GALNT12: variants seen among roughly 807,000 people sequenced by gnomAD.
The protein encoded by GALNT12 is polypeptide N-acetylgalactosaminyltransferase 12, also known as UDP-GalNAc:polypeptide N-acetylgalactosaminyltransferase 12.
GALNT12 carries 45 observed loss-of-function variants against 55.5 expected under a neutral mutation model. The observed-to-expected ratio is 0.81, with a 90% CI of 0.64 to 1.04. The LOEUF (loss-of-function observed/expected upper bound fraction) is 1.04. Among genes scored for constraint, GALNT12 ranks in the 50% least tolerant of loss-of-function variants. The pLI is 0.00. For synonymous variants in GALNT12, 304 were observed against 312.2 expected (o/e 0.97, Z 0.28); for missense variants, 709 against 754.8 (o/e 0.94, Z 0.71).
Position 98,837,120 on chromosome 9 carries a change from A to G in GALNT12, c.1184A>G (p.Tyr395Cys). ...EVWMDEFKEL[Y>C]YHRNPRARLE... ...TGGATGGATGAATTTAAAGAGCTCT[A>G]CTACCATCGCAACCCCCGTGCCCGC... Residue 395 changes from tyrosine to cysteine, a missense_variant, in exon 6 of 10, where the codon TAC becomes TGC. Physicochemically the swap from Tyr to Cys is radical, Grantham distance 194 (BLOSUM62 -2). Transcript: ENST00000375011. 1 of 1,614,152 alleles carries G rather than the reference A, an allele frequency of 6.2e-7. No homozygotes were observed. Among genetic ancestry groups the G allele is most frequent in the Non-Finnish European group, 8.5e-7 (1 of 1,180,042 alleles).
intron 4 of GALNT12, among the ~76,000 whole-genome samples, chr9:98,834,508 G>A (rs1836084844): frequency 6.6e-6 from 1 of 152,246 alleles, no homozygotes; most frequent in African/African-American, 2.4e-5. Context: ...GCTGGAAGCC[G>A]TGGGCCGTTT....
chr9:98,846,819 T>G (rs1395005347), intron 9 of GALNT12, among the ~76,000 whole-genome samples: 2 of 135,666 alleles, frequency 1.5e-5, no homozygotes. Flanking sequence ...ATCATGCCAC[T>G]GCACTGTAGC....
chr9:98,815,374 C>T (rs992691147), intron 1 of GALNT12, among the ~76,000 whole-genome samples: 1 of 152,154 alleles, frequency 6.6e-6, no homozygotes, highest in Non-Finnish European at 1.5e-5. Context: ...GTTCTGAGCA[C>T]ATTTAAGATA....
At chr9:98,818,011 AT>A (rs1030801592) in intron 1 of GALNT12, among the ~76,000 whole-genome samples, 1 of 152,086 alleles carries the variant, frequency 6.6e-6, no homozygotes, top group African/African-American at 2.4e-5. Flanking sequence ...TCCACCCATT[AT>A]TGTTTTGGCC....
intron 3 of GALNT12, among the ~76,000 whole-genome samples, chr9:98,831,560 A>C (rs1835992373): frequency 6.6e-6 from 1 of 152,138 alleles, no homozygotes; most frequent in Non-Finnish European, 1.5e-5. Flanking sequence ...TTTTGTTTTA[A>C]AGCCCTCCGT....
intron 7 of GALNT12, among the ~76,000 whole-genome samples, chr9:98,841,807 A>T (rs1329956840): frequency 6.6e-6 from 1 of 151,640 alleles, no homozygotes; most frequent in Non-Finnish European, 1.5e-5. Flanking sequence ...AGTAGCTGGG[A>T]TTATAGGCAC....
chr9:98,814,645 G>C (rs927026723), intron 1 of GALNT12, among the ~76,000 whole-genome samples: 1 of 151,768 alleles, frequency 6.6e-6, no homozygotes, highest in Admixed American at 6.6e-5. Context: ...GGGAGGCAGA[G>C]GTGGCAGTGA....
intron 4 of GALNT12, 132 bp from the exon 5 acceptor site, chr9:98,835,117 A>C: frequency 1.3e-6 from 1 of 767,982 alleles, no homozygotes; most frequent in Admixed American, 1.8e-5. Flanking sequence ...AGTGTGGGGC[A>C]CAGAGGTGAA....
In GALNT12 at chr9:98,843,016, A is replaced by G. The variant is rs1368721577; in HGVS notation, c.1345-1080A>G. 2.0e-5 allele frequency among the ~76,000 whole-genome samples: 3 copies of G among 152,228 alleles called. No individual in the cohort carries two copies. The East Asian group carries it at 5.8e-4, about 29-fold the overall frequency. ...CAAGTGTCCAGTAGCCACAGTGGCC[A>G]GTGGCCGCCACATGAAATAGCACAG... is the stretch of plus-strand genomic sequence containing the variant. On this transcript the variant is annotated intron_variant, in intron 7 of 9. Transcript: ENST00000375011.
intron 4 of GALNT12, among the ~76,000 whole-genome samples, chr9:98,833,247 C>T (rs1836045800): frequency 1.3e-5 from 2 of 152,164 alleles, no homozygotes; most frequent in Admixed American, 6.5e-5. Context: ...AGGACTTCAG[C>T]CTCACCGCTG....
chr9:98,839,175 C>T (rs1836226505), intron 6 of GALNT12, among the ~76,000 whole-genome samples: 1 of 152,256 alleles, frequency 6.6e-6, no homozygotes, highest in Non-Finnish European at 1.5e-5. Flanking sequence ...CCTTAGGCTT[C>T]ATGTCCAAGG....
In GALNT12 at chr9:98,840,146, G is replaced by C; in HGVS notation, c.1344+13G>C. The C allele has an allele frequency of 1.2e-6, 2 of 1,612,820 alleles. No homozygotes were observed. The highest frequency in any genetic ancestry group is 1.7e-6 in the Non-Finnish European group (2 of 1,179,852). On this transcript the variant is annotated intron_variant, in intron 7 of 9. Coordinates refer to ENST00000375011, the MANE Select transcript of GALNT12 (RefSeq NM_024642.5). ...CTTCTTCGGGATGGTGAGTGAGGGT[G>C]GTGGGCCCACGGCAGGCAGGGACTT...
At chr9:98,831,542 A>G (rs1835991257) in intron 3 of GALNT12, among the ~76,000 whole-genome samples, 1 of 152,188 alleles carries the variant, frequency 6.6e-6, no homozygotes, top group Admixed American at 6.5e-5. Flanking sequence ...TATTAAAGTC[A>G]TGGGACTTTT....
intron 1 of GALNT12, among the ~76,000 whole-genome samples, chr9:98,814,105 T>G (rs761421483): frequency 2.0e-5 from 3 of 152,082 alleles, no homozygotes; most frequent in African/African-American, 7.2e-5. Flanking sequence ...CATCACGAAA[T>G]TATTGATTGG....
chr9:98,837,310 T>G (rs1836180215), intron 6 of GALNT12, among the ~76,000 whole-genome samples, 162 bp downstream of exon 6: 2 of 152,150 alleles, frequency 1.3e-5, no homozygotes, highest in Admixed American at 6.5e-5. Flanking sequence ...ATAATAATTA[T>G]ATGCAGTCAA....
intron 8 of GALNT12, 199 bp downstream of exon 8, chr9:98,844,408 G>A (rs976492336): frequency 5.3e-5 from 31 of 587,812 alleles, no homozygotes; most frequent in Non-Finnish European, 5.7e-5. Context: ...CAGAGATTAT[G>A]TGTTGTAAAT....
In GALNT12 at chr9:98,823,907, C is replaced by T. The variant is rs151056926; in HGVS notation, c.541+482C>T. Among the ~76,000 whole-genome samples, 1,045 of 152,288 alleles carry T rather than the reference C, an allele frequency of 6.9e-3. 11 individuals carry two copies. The highest frequency in any genetic ancestry group is 0.024 in the African/African-American group (979 of 41,562). ...TCTGTGGTGCCCACATGCAGCAGAG[C>T]CTTGGCTTGGCTGGGACTGGCAGTG... On this transcript the variant is annotated intron_variant, in intron 2 of 9. Coordinates refer to ENST00000375011, the MANE Select transcript of GALNT12 (RefSeq NM_024642.5).
At chr9:98,835,623 T>C (rs1470612244) in intron 5 of GALNT12, among the ~76,000 whole-genome samples, 1 of 152,258 alleles carries the variant, frequency 6.6e-6, no homozygotes, top group African/African-American at 2.4e-5. Context: ...GGTGACTTGC[T>C]CAGGGTTAGG....
chr9:98,848,831 A>C, intron 9 of GALNT12, 121 bp from the exon 10 acceptor site: 1 of 1,168,950 alleles, frequency 8.6e-7, no homozygotes, highest in Non-Finnish European at 1.2e-6. Context: ...CACGGAAGAC[A>C]CTTACCCCTC....
Sources: gnomAD v4.1 joint callset for allele counts (sites outside exome capture counted in the v4.1 genomes callset) on GRCh38, gnomAD v4.1.1 for gene constraint, MANE v1.5 for transcripts, NCBI Gene and HGNC (gene_info 2026-07-23, HGNC 2026-07-21) for gene names.